CEP104: variants seen among roughly 807,000 people sequenced by gnomAD.
CEP104 encodes the protein centrosomal protein 104, also known as centrosomal protein of 104 kDa.
A neutral mutation model predicts 113.3 loss-of-function variants in CEP104; 84 were observed. The ratio of observed to expected loss-of-function variants is 0.74; its 90% CI spans 0.62 to 0.89. The LOEUF is 0.89. Ranked by LOEUF, CEP104 falls within the 40% of genes least tolerant of loss-of-function variation. The probability of loss-of-function intolerance (pLI) is 0.00; values close to 1 mark genes in which losing one functional copy is unlikely to be tolerated. For synonymous variants in CEP104, 378 were observed against 421.7 expected (o/e 0.90, Z 1.27); for missense variants, 1,053 against 1,156.6 (o/e 0.91, Z 1.30).
At chr1:3,833,548 GT>G (rs1644255858) in intron 12 of CEP104, 1 of 258,362 alleles carries the variant, frequency 3.9e-6, no homozygotes, top group Non-Finnish European at 7.4e-6. Flanking sequence ...TATTAAGACA[GT>G]TATATTTTTT....
intron 15 of CEP104, among the ~76,000 whole-genome samples, chr1:3,827,168 A>C (rs1235885091): frequency 6.6e-6 from 1 of 152,182 alleles, no homozygotes; most frequent in Non-Finnish European, 1.5e-5. Context: ...CAGAAGTGCA[A>C]TTCTAGTTCC....
intron 6 of CEP104, among the ~76,000 whole-genome samples, chr1:3,844,630 A>T (rs1229142169): frequency 2.1e-5 from 3 of 144,500 alleles, no homozygotes; most frequent in Non-Finnish European, 4.5e-5. Context: ...CTCAGGAGGT[A>T]GAAGTTATAG....
chr1:3,839,716 T>A lies in CEP104; in HGVS notation c.627A>T (p.Glu209Asp), dbSNP rs767719791. 1 of 1,614,104 alleles carries A rather than the reference T, an allele frequency of 6.2e-7. No homozygotes were observed. Among genetic ancestry groups the A allele is most frequent in the Non-Finnish European group, 8.5e-7 (1 of 1,179,942 alleles). ...CTAATTTTCGTATGATCTGTGCAAC[T>A]TCTGGATCTTGGTACATATCAAAAG... ...DLAFDMYQDP[E>D]VAQIIRKLDE... Residue 209 changes from glutamate (E) to aspartate (D), a missense_variant, in exon 7 of 22, where the codon GAA becomes GAT. Coordinates refer to ENST00000378230, the MANE Select transcript of CEP104 (RefSeq NM_014704.4).
chr1:3,816,211 G>GGATGC (rs1176778307), intron 21 of CEP104, 69 bp downstream of exon 21: 2 of 1,355,120 alleles, frequency 1.5e-6, no homozygotes, highest in East Asian at 5.2e-5. Flanking sequence ...CCCTGGACGG[G>GGATGC]GATGCTTTTT....
Position 3,815,510 on chromosome 1 carries a change from G to A in CEP104, c.2670C>T (p.Ser890=). 1 of 1,598,420 alleles carries A rather than the reference G, an allele frequency of 6.3e-7. No homozygotes were observed. Among genetic ancestry groups the A allele is most frequent in the Non-Finnish European group, 8.5e-7 (1 of 1,172,222 alleles). The change falls in exon 22 of 22, where the codon AGC becomes AGT. Residue 890 remains serine (S), a synonymous_variant. Transcript: ENST00000378230. ...AGGGGCCTGATGCGGCCACAGCTGA[G>A]CTTTTCCCTGCAGAGCAAGCACAGG... The part of the protein sequence containing the change: ...QKAPALQPGK[S]SAVAASGPLG...
At chr1:3,833,506 A>T (rs565068089) in intron 12 of CEP104, among the ~76,000 whole-genome samples, 22 of 152,298 alleles carry the variant, frequency 1.4e-4, no homozygotes, top group African/African-American at 4.8e-4. Flanking sequence ...AGCCTAGAGG[A>T]GGCATATTTG....
intron 20 of CEP104, among the ~76,000 whole-genome samples, chr1:3,821,892 C>T (rs928149551): frequency 5.9e-5 from 9 of 152,184 alleles, no homozygotes; most frequent in Non-Finnish European, 7.3e-5. Context: ...AACCAGGCAC[C>T]GGGGCCTTCT....
rs1245728383 is a variant in CEP104, at chr1:3,819,773, G to A, written c.2571+3401C>T. Among the ~76,000 whole-genome samples the A allele has an allele frequency of 6.6e-6, 1 of 152,196 alleles. No individual in the cohort carries two copies. The highest frequency in any genetic ancestry group is 2.4e-5 in the African/African-American group (1 of 41,446). On this transcript the variant is annotated intron_variant, in intron 20 of 21. Transcript: ENST00000378230. The surrounding 1 kb of genome is among the most constrained non-coding windows in gnomAD (Gnocchi z 4.6). ...AAGAGAGAAAAAATATTTGAAGAAT[G>A]AACGGCAAAACAATTCACACGAAAT...
At position 3,833,750 on chromosome 1, in the gene CEP104, A is replaced by G. The variant is rs1021379033; in HGVS notation, c.1659+112T>C. The G allele has an allele frequency of 1.7e-5, 17 of 1,016,324 alleles. No homozygotes were observed. The African/African-American group carries it at 2.7e-4, about 16-fold the overall frequency. 63.0% of individuals were successfully genotyped at this position (1,016,324 alleles called of 1,614,324 possible). A position where few individuals can be genotyped will look rare whatever the true frequency, so the allele number is the denominator to read the frequency against. ...GAAAGTGTGATGGTGAATCCCTGAG[A>G]ATAATGTTAACTGAGTAGAGACAGA... is the stretch of plus-strand genomic sequence containing the variant. On this transcript the variant is annotated intron_variant, in intron 12 of 21. Coordinates refer to ENST00000378230, the MANE Select transcript of CEP104 (RefSeq NM_014704.4).
At chr1:3,816,170 G>A (rs1374760081) in intron 21 of CEP104, 110 bp downstream of exon 21, 11 of 872,070 alleles carry the variant, frequency 1.3e-5, no homozygotes, top group African/African-American at 8.6e-5. Flanking sequence ...GCTTTATTTT[G>A]CTTTTAAAGG....
intron 1 of CEP104, chr1:3,855,747 G>A (rs1245803536): frequency 3.9e-6 from 1 of 253,444 alleles, no homozygotes; most frequent in Non-Finnish European, 6.2e-6. Context: ...AAACCTTCAA[G>A]TGTTACATAA....
At chr1:3,844,056 C>T (rs557474781) in intron 6 of CEP104, among the ~76,000 whole-genome samples, 3 of 152,112 alleles carry the variant, frequency 2.0e-5, no homozygotes, top group East Asian at 1.9e-4. Flanking sequence ...CCACTGCACC[C>T]GGCAAAATTG....
chr1:3,854,870 AT>A (rs36065862), intron 1 of CEP104, among the ~76,000 whole-genome samples: 45 of 122,954 alleles, frequency 3.7e-4, no homozygotes, highest in Middle Eastern at 4.8e-3. Context: ...CAGTCTCCAA[AT>A]TTTTTTTTTT....
At chr1:3,851,326 A>C (rs139710668) in intron 2 of CEP104, among the ~76,000 whole-genome samples, 170 of 152,320 alleles carry the variant, frequency 1.1e-3, no homozygotes, top group Non-Finnish European at 1.8e-3. Context: ...ATACATTTTA[A>C]TTGTAAATGA....
rs1475677567 is a variant in CEP104 at position 3,819,674 on chromosome 1, C to T, written c.2572-3304G>A. ...ACAGAAAGGAAACACTGGACAAAGC[C>T]CAGTGACCCACAGAAGATTGAGCAG... On this transcript the variant is annotated intron_variant, in intron 20 of 21. Coordinates refer to ENST00000378230, the MANE Select transcript of CEP104 (RefSeq NM_014704.4). This position sits in a 1 kb window ranked among gnomAD's most constrained non-coding sequence, Gnocchi z 4.6. Among the ~76,000 whole-genome samples the T allele has an allele frequency of 6.6e-6, 1 of 152,164 alleles. No homozygotes were observed. Among genetic ancestry groups the T allele is most frequent in the Non-Finnish European group, 1.5e-5 (1 of 68,028 alleles).
At chr1:3,847,652 C>A in intron 3 of CEP104, 39 bp from the exon 4 acceptor site, 6 of 1,610,576 alleles carry the variant, frequency 3.7e-6, no homozygotes, top group Non-Finnish European at 5.1e-6. Flanking sequence ...TGAAAATGTG[C>A]TGTTCAATAA....
rs889095290 is a variant in CEP104 at position 3,855,243 on chromosome 1, G to A, written c.-15+1646C>T. Among the ~76,000 whole-genome samples the A allele has an allele frequency of 2.0e-5, 3 of 147,822 alleles. No individual in the cohort carries two copies. In the East Asian group the frequency reaches 6.0e-4, roughly 29 times the overall value. ...GCCCAGGCTGTACTGCTGCAGTGGCGTGATCATAGCTCACTGTAACCATGA... is the reference window on the plus strand; with the variant it reads ...GCCCAGGCTGTACTGCTGCAGTGGCATGATCATAGCTCACTGTAACCATGA... On this transcript the variant is annotated intron_variant, in intron 1 of 21. Coordinates refer to ENST00000378230, the MANE Select transcript of CEP104 (RefSeq NM_014704.4).
At chr1:3,841,596 C>T (rs1267909362) in intron 6 of CEP104, among the ~76,000 whole-genome samples, 3 of 152,212 alleles carry the variant, frequency 2.0e-5, no homozygotes, top group South Asian at 4.1e-4. Context: ...TCAGCAGCAG[C>T]GTGGGGTGCC....
chr1:3,855,830 G>T, intron 1 of CEP104: 1 of 887,138 alleles, frequency 1.1e-6, no homozygotes, highest in Non-Finnish European at 1.4e-6. Flanking sequence ...TTGGGAAGAA[G>T]CAAAGCTCTG....
Sources: gnomAD v4.1 joint callset for allele counts (sites outside exome capture counted in the v4.1 genomes callset) on GRCh38, gnomAD v4.1.1 for gene constraint, Gnocchi (gnomAD v3.1) non-coding constraint, MANE v1.5 for transcripts, NCBI Gene and HGNC (gene_info 2026-07-23, HGNC 2026-07-21) for gene names.